PDGFD: variants seen among roughly 807,000 people sequenced by gnomAD.
PDGFD encodes platelet derived growth factor D.
A neutral mutation model predicts 44.7 loss-of-function variants in PDGFD; 30 were observed. The observed-to-expected ratio is 0.67, with a 90% confidence interval of 0.50 to 0.91. The LOEUF is 0.91. Among genes scored for constraint, PDGFD ranks in the 40% least tolerant of loss-of-function variants. PDGFD has a pLI of 0.00. For missense variants in PDGFD, 445 were observed against 457.8 expected (o/e 0.97, Z 0.25); for synonymous variants, 173 against 168.4 (o/e 1.03, Z -0.21).
At chr11:104,161,897 A>G (rs1236585234) in intron 1 of PDGFD, among the ~76,000 whole-genome samples, 4 of 152,030 alleles carry the variant, frequency 2.6e-5, no homozygotes, top group Admixed American at 1.3e-4. Flanking sequence ...TCTTGCTTGT[A>G]AGATGACATT....
chr11:103,967,470 G>A (rs569227404), intron 3 of PDGFD, among the ~76,000 whole-genome samples: 32 of 152,196 alleles, frequency 2.1e-4, no homozygotes, highest in Middle Eastern at 3.4e-3. Context: ...TCTCCATATC[G>A]TTGTGTATCT....
chr11:104,142,442 T>A (rs1862099268), intron 1 of PDGFD, among the ~76,000 whole-genome samples: 1 of 152,170 alleles, frequency 6.6e-6, no homozygotes, highest in South Asian at 2.1e-4. Flanking sequence ...GGAATGTGTG[T>A]GTGTATATAT....
At chr11:104,110,619 T>C (rs754074500) in intron 1 of PDGFD, among the ~76,000 whole-genome samples, 15 of 151,864 alleles carry the variant, frequency 9.9e-5, no homozygotes, top group Non-Finnish European at 1.6e-4. Flanking sequence ...GACCACACAG[T>C]AGTTTGGTTG....
At chr11:103,954,610 G>C (rs1858809206) in intron 3 of PDGFD, among the ~76,000 whole-genome samples, 2 of 152,104 alleles carry the variant, frequency 1.3e-5, no homozygotes, top group South Asian at 4.1e-4. Context: ...ACTTACTAAG[G>C]ATGACTTATT....
intron 1 of PDGFD, among the ~76,000 whole-genome samples, chr11:104,100,203 C>T (rs567748519): frequency 6.6e-6 from 1 of 152,028 alleles, no homozygotes; most frequent in Non-Finnish European, 1.5e-5. Flanking sequence ...CCAGAGGCAG[C>T]CTACACACCT....
intron 1 of PDGFD, among the ~76,000 whole-genome samples, chr11:104,092,819 A>T (rs1009708784): frequency 6.6e-6 from 1 of 152,196 alleles, no homozygotes; most frequent in Non-Finnish European, 1.5e-5. Flanking sequence ...AAGAAAATAG[A>T]ATATGATCAT....
Position 104,144,007 on chromosome 11 carries a change from A to G in PDGFD, c.124+19797T>C, listed in dbSNP as rs140381512. ...GGATGTCATCTCATCTTGGCTTCCA[A>G]CTTTATTTAGATTCATGTTTTTATA... On this transcript the variant is annotated intron_variant, in intron 1 of 6. Transcript: ENST00000393158. Among the ~76,000 whole-genome samples the G allele has an allele frequency of 2.0e-3, 310 of 152,298 alleles. 3 individuals carry two copies. Among genetic ancestry groups the G allele is most frequent in the Middle Eastern group, 3.4e-3 (1 of 294 alleles).
rs74628570 is a variant in PDGFD, at chr11:104,028,346, C to T, written c.125-28091G>A. Among the ~76,000 whole-genome samples the T allele has an allele frequency of 2.7e-3, 412 of 151,954 alleles. 21 individuals are homozygous for T. The East Asian group carries it at 0.063, about 23-fold the overall frequency. On this transcript the variant is annotated intron_variant, in intron 1 of 6. Transcript: ENST00000393158. Reference sequence around the variant, plus strand: ...ATACAGAGAAGGTACAGACCTGAGGCTAACTGCTAGATAAATTTGCTATAT... The same window carrying T: ...ATACAGAGAAGGTACAGACCTGAGGTTAACTGCTAGATAAATTTGCTATAT...
chr11:104,061,174 G>A (rs1860710079), intron 1 of PDGFD, among the ~76,000 whole-genome samples: 1 of 151,890 alleles, frequency 6.6e-6, no homozygotes, highest in African/African-American at 2.4e-5. Flanking sequence ...AAATATGAAA[G>A]GTAAACTGTA....
At chr11:104,083,963 A>G (rs1459381242) in intron 1 of PDGFD, among the ~76,000 whole-genome samples, 3 of 152,218 alleles carry the variant, frequency 2.0e-5, no homozygotes, top group Non-Finnish European at 2.9e-5. Context: ...TGTACAGGTT[A>G]TGAAAAGCAG....
At chr11:104,097,142 A>G (rs964333409) in intron 1 of PDGFD, among the ~76,000 whole-genome samples, 4 of 152,164 alleles carry the variant, frequency 2.6e-5, no homozygotes, top group Non-Finnish European at 5.9e-5. Flanking sequence ...TGCACACTCA[A>G]CAGGGCAGTT....
intron 2 of PDGFD, among the ~76,000 whole-genome samples, chr11:103,999,059 T>A (rs1565306812): frequency 1.3e-5 from 2 of 152,208 alleles, no homozygotes; most frequent in South Asian, 2.1e-4. Flanking sequence ...TAACTGGCTC[T>A]TCCTTAATGT....
intron 3 of PDGFD, among the ~76,000 whole-genome samples, chr11:103,972,953 T>C (rs1859124263): frequency 6.6e-6 from 1 of 152,152 alleles, no homozygotes; most frequent in African/African-American, 2.4e-5. Flanking sequence ...ATTTCATCAA[T>C]ACATATACTG....
At chr11:103,910,631 A>T (rs1858012475) in intron 6 of PDGFD, among the ~76,000 whole-genome samples, 2 of 152,202 alleles carry the variant, frequency 1.3e-5, no homozygotes, top group Non-Finnish European at 2.9e-5. Context: ...CCCAGTGCCT[A>T]TGCCACCAGG....
intron 3 of PDGFD, among the ~76,000 whole-genome samples, chr11:103,994,624 GATAAAAA>G (rs1361246989): frequency 6.6e-6 from 1 of 151,600 alleles, no homozygotes; most frequent in African/African-American, 2.4e-5. Flanking sequence ...TAATTCTTAA[GATAAAAA>G]ATAAAAAAAT....
At chr11:104,025,774 C>A (rs1860033742) in intron 1 of PDGFD, among the ~76,000 whole-genome samples, 1 of 152,188 alleles carries the variant, frequency 6.6e-6, no homozygotes, top group African/African-American at 2.4e-5. Context: ...GCAACAGTGT[C>A]TGCTTCAAAA....
intron 1 of PDGFD, among the ~76,000 whole-genome samples, chr11:104,150,959 CCAA>C (rs754944211): frequency 3.9e-5 from 6 of 152,076 alleles, no homozygotes; most frequent in Non-Finnish European, 7.4e-5. Flanking sequence ...AGGACAAACC[CCAA>C]CACACGATTT....
At chr11:104,036,047 G>T (rs992191750) in intron 1 of PDGFD, among the ~76,000 whole-genome samples, 4 of 152,112 alleles carry the variant, frequency 2.6e-5, no homozygotes, top group South Asian at 2.1e-4. Context: ...AATGGTACTT[G>T]CCATGTAAGA....
chr11:104,117,246 C>T (rs879539559), intron 1 of PDGFD, among the ~76,000 whole-genome samples: 1 of 151,980 alleles, frequency 6.6e-6, no homozygotes, highest in Admixed American at 6.6e-5. Context: ...GTAATAAATG[C>T]TATTTATGAC....
Sources: allele counts gnomAD v4.1 joint callset (sites outside exome capture counted in the v4.1 genomes callset), GRCh38; gene constraint gnomAD v4.1.1; transcripts MANE v1.5; gene names NCBI Gene and HGNC (gene_info 2026-07-23, HGNC 2026-07-21).